MAP4K3: variants seen among roughly 807,000 people sequenced by gnomAD.
MAP4K3 encodes the protein mitogen-activated protein kinase kinase kinase kinase 3.
Under a neutral mutation model 143.5 loss-of-function variants are expected in MAP4K3, and 94 were observed. The observed-to-expected ratio is 0.65, with a 90% CI of 0.55 to 0.78. The LOEUF is 0.78. Ranked by LOEUF, MAP4K3 falls within the 30% of genes least tolerant of loss-of-function variation. The probability of loss-of-function intolerance (pLI) is 0.00; values close to 1 mark genes in which losing one functional copy is unlikely to be tolerated. For missense variants in MAP4K3, 1,077 were observed against 1,068.1 expected, an observed-to-expected ratio of 1.01 and a Z score of -0.12; for synonymous variants, 416 against 347.2, an observed-to-expected ratio of 1.20 and a Z score of -2.20.
intron 16 of MAP4K3, among the ~76,000 whole-genome samples, chr2:39,296,595 G>C (rs1368819902): frequency 1.3e-5 from 2 of 152,172 alleles, no homozygotes; most frequent in African/African-American, 4.8e-5. Flanking sequence ...CAGCATATTT[G>C]CATTAGCTAA....
chr2:39,285,504 G>A (rs188415841), intron 21 of MAP4K3, among the ~76,000 whole-genome samples: 29 of 152,224 alleles, frequency 1.9e-4, no homozygotes, highest in Non-Finnish European at 5.9e-5. Flanking sequence ...AAAGCAAAAA[G>A]GCACTGCTCA....
intron 7 of MAP4K3, among the ~76,000 whole-genome samples, chr2:39,332,448 C>T (rs540958532): frequency 1.3e-5 from 2 of 151,926 alleles, no homozygotes; most frequent in African/African-American, 2.4e-5. Flanking sequence ...AAAAGACATC[C>T]AATCAGAATA....
intron 33 of MAP4K3, among the ~76,000 whole-genome samples, chr2:39,251,267 A>C (rs1044341599): frequency 7.9e-5 from 12 of 152,228 alleles, no homozygotes; most frequent in African/African-American, 2.9e-4. Flanking sequence ...AGGAAAGAGC[A>C]GTCCTGCCCG....
chr2:39,366,855 T>A (rs572806091), intron 2 of MAP4K3, among the ~76,000 whole-genome samples: 1 of 152,206 alleles, frequency 6.6e-6, no homozygotes, highest in Admixed American at 6.5e-5. Flanking sequence ...AATTACAACA[T>A]AAAATTAGAA....
At chr2:39,425,727 G>A (rs1412502766) in intron 1 of MAP4K3, among the ~76,000 whole-genome samples, 1 of 152,080 alleles carries the variant, frequency 6.6e-6, no homozygotes, top group African/African-American at 2.4e-5. Context: ...TCCTAGCTAA[G>A]ATAAAATCCA....
At chr2:39,296,701 A>C (rs1416446090) in intron 16 of MAP4K3, among the ~76,000 whole-genome samples, 1 of 152,154 alleles carries the variant, frequency 6.6e-6, no homozygotes, top group Non-Finnish European at 1.5e-5. Context: ...CAACAAGCAA[A>C]CAAACAAAAA....
rs534559320 is a variant in MAP4K3 at position 39,263,142 on chromosome 2, T to A, written c.2136+2061A>T. Among the ~76,000 whole-genome samples the A allele has an allele frequency of 2.6e-5, 4 of 152,082 alleles. No homozygotes were observed. The South Asian group carries it at 6.2e-4, about 24-fold the overall frequency. ...ATGCAAAAACTGTCAGAAATGTCATTAGGAGGAAACAAGAATATAGAAAGC... is the reference window on the plus strand; with the variant it reads ...ATGCAAAAACTGTCAGAAATGTCATAAGGAGGAAACAAGAATATAGAAAGC... On this transcript the variant is annotated intron_variant, in intron 28 of 33. Transcript: ENST00000263881.
chr2:39,275,926 G>A (rs1681228793), intron 24 of MAP4K3, among the ~76,000 whole-genome samples: 2 of 152,104 alleles, frequency 1.3e-5, no homozygotes, highest in Non-Finnish European at 2.9e-5. Context: ...AGGCTGGAGT[G>A]CAGTGGCGTG....
intron 1 of MAP4K3, among the ~76,000 whole-genome samples, chr2:39,411,345 T>C (rs1007864403): frequency 2.0e-5 from 3 of 152,190 alleles, no homozygotes; most frequent in African/African-American, 7.2e-5. Context: ...GTGGTACATA[T>C]TCCAGATTGA....
chr2:39,249,887 A>G lies in MAP4K3; in HGVS notation c.*731T>C, dbSNP rs1008714527. The stretch of plus-strand genomic sequence containing the variant: ...CTTACAGGATTCTGCTTAAATATAA[A>G]AAGACCAGTTACTACAACATGTGGT... On this transcript the variant is annotated 3_prime_UTR_variant, in exon 34 of 34. Coordinates refer to ENST00000263881, the MANE Select transcript of MAP4K3 (RefSeq NM_003618.4). 6.6e-6 allele frequency: 1 copy of G among 152,430 alleles called. No homozygotes were observed. The highest frequency in any genetic ancestry group is 2.4e-5 in the African/African-American group (1 of 41,470). The allele number at this position is 152,430 out of a possible 1,614,324, so 9.4% of individuals were successfully genotyped here.
Position 39,276,580 on chromosome 2 carries a change from C to T in MAP4K3, c.1794+1827G>A, listed in dbSNP as rs560423499. On this transcript the variant is annotated intron_variant, in intron 24 of 33. Transcript: ENST00000263881. ...GTCTTTGGCAAGTTACTAATCCTTT[C>T]GGTGCTTTAGTTTTCTCATCCGTGA... Among the ~76,000 whole-genome samples the T allele has an allele frequency of 9.4e-4, 143 of 152,304 alleles. 1 individual carries two copies. Among genetic ancestry groups the T allele is most frequent in the African/African-American group, 3.0e-3 (125 of 41,558 alleles).
At chr2:39,382,022 C>A (rs1039879553) in intron 1 of MAP4K3, among the ~76,000 whole-genome samples, 1 of 152,156 alleles carries the variant, frequency 6.6e-6, no homozygotes, top group African/African-American at 2.4e-5. Context: ...AGGTCTAGAC[C>A]GATCTCGGCT....
At chr2:39,370,675 A>C (rs1232499129) in intron 2 of MAP4K3, among the ~76,000 whole-genome samples, 3 of 152,204 alleles carry the variant, frequency 2.0e-5, no homozygotes, top group Non-Finnish European at 4.4e-5. Context: ...CTATTTTCTC[A>C]CTACAAGTTT....
intron 28 of MAP4K3, among the ~76,000 whole-genome samples, chr2:39,262,061 T>G (rs1282182850): frequency 6.6e-6 from 1 of 152,232 alleles, no homozygotes; most frequent in Non-Finnish European, 1.5e-5. Context: ...TATTTTATAT[T>G]TTTGTTGCTT....
chr2:39,292,095 A>G (rs1411229646), intron 18 of MAP4K3, among the ~76,000 whole-genome samples: 1 of 152,114 alleles, frequency 6.6e-6, no homozygotes, highest in Admixed American at 6.5e-5. Context: ...TCCTCCTTTA[A>G]AACTATATAT....
intron 26 of MAP4K3, among the ~76,000 whole-genome samples, chr2:39,270,054 T>A (rs1289583084): frequency 1.3e-5 from 2 of 152,198 alleles, no homozygotes; most frequent in Admixed American, 6.5e-5. Context: ...GAAAGTTTAA[T>A]GTTCCTGTCC....
At chr2:39,369,353 G>A (rs1377418723) in intron 2 of MAP4K3, among the ~76,000 whole-genome samples, 1 of 151,866 alleles carries the variant, frequency 6.6e-6, no homozygotes, top group Non-Finnish European at 1.5e-5. Flanking sequence ...GAGCCACCAA[G>A]CCAGGCTGAT....
intron 8 of MAP4K3, 110 bp from the exon 9 acceptor site, chr2:39,326,387 C>G: frequency 8.0e-7 from 1 of 1,243,414 alleles, no homozygotes; most frequent in Non-Finnish European, 1.1e-6. Context: ...CTCTTTAGGC[C>G]TTGGTTTTTG....
chr2:39,293,972 A>G (rs1167951498), intron 16 of MAP4K3: 1 of 152,230 alleles, frequency 6.6e-6, no homozygotes, highest in Non-Finnish European at 1.5e-5. Flanking sequence ...TCAGGAATGT[A>G]AGAGAGAACT....
Sources: gnomAD v4.1 joint callset for allele counts (sites outside exome capture counted in the v4.1 genomes callset) on GRCh38, gnomAD v4.1.1 for gene constraint, MANE v1.5 for transcripts, NCBI Gene and HGNC (gene_info 2026-07-23, HGNC 2026-07-21) for gene names.